Variants in RNGTT observed in about 807,000 individuals in gnomAD.
The protein encoded by RNGTT is RNA guanylyltransferase and 5'-phosphatase.
A neutral mutation model predicts 79.3 loss-of-function variants in RNGTT; 33 were observed. The ratio of observed to expected loss-of-function variants is 0.42; its 90% CI spans 0.32 to 0.56. The LOEUF (loss-of-function observed/expected upper bound fraction) is 0.56. Among genes scored for constraint, RNGTT ranks in the 20% least tolerant of loss-of-function variants. The pLI is 0.17. For synonymous variants in RNGTT, 222 were observed against 235.9 expected (o/e 0.94, Z 0.54); for missense variants, 497 against 739.1 (o/e 0.67, Z 3.80).
intron 13 of RNGTT, among the ~76,000 whole-genome samples, chr6:88,748,505 C>T (rs1329035291): frequency 6.6e-6 from 1 of 152,052 alleles, no homozygotes; most frequent in Non-Finnish European, 1.5e-5. Flanking sequence ...TAATTTGTCA[C>T]TCCTCCCCTT....
intron 8 of RNGTT, among the ~76,000 whole-genome samples, chr6:88,877,494 TG>T (rs1330666618): frequency 6.6e-6 from 1 of 152,200 alleles, no homozygotes; most frequent in Non-Finnish European, 1.5e-5. Context: ...TTTGAATCTC[TG>T]AATTTTTTTT....
At chr6:88,663,308 T>C (rs760481102) in intron 14 of RNGTT, among the ~76,000 whole-genome samples, 2 of 152,154 alleles carry the variant, frequency 1.3e-5, no homozygotes, top group Non-Finnish European at 2.9e-5. Context: ...TTATGTGAGA[T>C]AGACTATCCA....
chr6:88,879,311 T>G (rs980155962), intron 8 of RNGTT, among the ~76,000 whole-genome samples: 1 of 152,142 alleles, frequency 6.6e-6, no homozygotes, highest in African/African-American at 2.4e-5. Flanking sequence ...GGAGAATCAC[T>G]TGAACCCAGG....
rs143447080 is a variant in RNGTT at position 88,700,638 on chromosome 6, T to A, written c.1440-22219A>T. On this transcript the variant is annotated intron_variant, in intron 13 of 15. Transcript: ENST00000369485. ...TAGAAGTAATCCATCCTAAGAGAGA[T>A]GATTCATAAATGGGGATTTCTAGGA... is the stretch of plus-strand genomic sequence containing the variant. 1.6e-4 allele frequency among the ~76,000 whole-genome samples: 25 copies of A among 152,208 alleles called. 1 individual carries two copies. The East Asian group carries it at 4.4e-3, about 27-fold the overall frequency.
chr6:88,819,718 T>G (rs1456949886), intron 11 of RNGTT, among the ~76,000 whole-genome samples: 1 of 152,024 alleles, frequency 6.6e-6, no homozygotes, highest in Non-Finnish European at 1.5e-5. Context: ...TATTTTCAAC[T>G]CTACTGACAT....
intron 13 of RNGTT, among the ~76,000 whole-genome samples, chr6:88,704,989 A>T (rs558214082): frequency 1.3e-5 from 2 of 152,298 alleles, no homozygotes; most frequent in African/African-American, 4.8e-5. Context: ...TAAAAAAAAA[A>T]ACTGGTAAAT....
intron 12 of RNGTT, among the ~76,000 whole-genome samples, chr6:88,800,672 G>GT (rs1450214857): frequency 6.6e-6 from 1 of 152,188 alleles, no homozygotes; most frequent in Non-Finnish European, 1.5e-5. Flanking sequence ...CATCCCCAGA[G>GT]TTTCTACTCA....
intron 14 of RNGTT, among the ~76,000 whole-genome samples, chr6:88,663,570 C>T (rs796916107): frequency 7.2e-5 from 11 of 152,236 alleles, no homozygotes; most frequent in Non-Finnish European, 1.3e-4. Flanking sequence ...CGGTTCTGTC[C>T]GACCCCACAT....
chr6:88,789,157 C>T (rs1562253616), intron 12 of RNGTT, among the ~76,000 whole-genome samples: 1 of 152,188 alleles, frequency 6.6e-6, no homozygotes, highest in Non-Finnish European at 1.5e-5. Context: ...CGGTGACTTA[C>T]ACCTGTAATC....
intron 13 of RNGTT, among the ~76,000 whole-genome samples, chr6:88,712,899 C>T (rs897845427): frequency 2.0e-5 from 3 of 152,160 alleles, no homozygotes; most frequent in African/African-American, 7.2e-5. Flanking sequence ...TGAATTGCTA[C>T]ATCAGGATGC....
intron 12 of RNGTT, among the ~76,000 whole-genome samples, chr6:88,777,573 A>G (rs1778929771): frequency 6.6e-6 from 1 of 152,144 alleles, no homozygotes. Flanking sequence ...GCTATTGTAA[A>G]TGAGATTGTT....
At position 88,708,785 on chromosome 6, in the gene RNGTT, T is replaced by C. The variant is rs376339689; in HGVS notation, c.1440-30366A>G. On this transcript the variant is annotated intron_variant, in intron 13 of 15. Transcript: ENST00000369485. ...TTTTTTAATTTTCCCTGTTGTTGTATACGTTTTCCAGTAAGAAAAGGGGTT... is the reference window on the plus strand; with the variant it reads ...TTTTTTAATTTTCCCTGTTGTTGTACACGTTTTCCAGTAAGAAAAGGGGTT... Among the ~76,000 whole-genome samples the C allele has an allele frequency of 2.2e-4, 34 of 152,260 alleles. No homozygotes were observed. The South Asian group carries it at 6.2e-3, about 28-fold the overall frequency.
At chr6:88,807,459 C>A (rs1779995374) in intron 11 of RNGTT, among the ~76,000 whole-genome samples, 1 of 151,918 alleles carries the variant, frequency 6.6e-6, no homozygotes, top group South Asian at 2.1e-4. Flanking sequence ...AGACTGGACA[C>A]AGAAGAGAAA....
At chr6:88,716,181 GA>G (rs1776505135) in intron 13 of RNGTT, among the ~76,000 whole-genome samples, 1 of 152,050 alleles carries the variant, frequency 6.6e-6, no homozygotes, top group African/African-American at 2.4e-5. Flanking sequence ...TTTCTCAAAA[GA>G]AGACATTTAT....
chr6:88,657,908 G>A (rs1774038925), intron 14 of RNGTT, among the ~76,000 whole-genome samples: 1 of 152,134 alleles, frequency 6.6e-6, no homozygotes, highest in Non-Finnish European at 1.5e-5. Context: ...ATTAAGCCCT[G>A]CTCAAGGAGA....
In RNGTT at chr6:88,682,261, A is replaced by G. The variant is rs546109632; in HGVS notation, c.1440-3842T>C. Among the ~76,000 whole-genome samples the G allele has an allele frequency of 2.0e-3, 310 of 152,340 alleles. 2 individuals are homozygous for G. Among genetic ancestry groups the G allele is most frequent in the African/African-American group, 7.3e-3 (304 of 41,580 alleles). ...AAATTAACTGTTCTATCTACAAGCC[A>G]TAACTATAGTACCCGTTATCAGATA... On this transcript the variant is annotated intron_variant, in intron 13 of 15. Coordinates refer to ENST00000369485, the MANE Select transcript of RNGTT (RefSeq NM_003800.5).
intron 14 of RNGTT, among the ~76,000 whole-genome samples, chr6:88,615,398 T>C (rs1379186613): frequency 2.6e-5 from 4 of 152,200 alleles, no homozygotes; most frequent in African/African-American, 9.6e-5. Context: ...ATAAAAACTT[T>C]CAAACTATAT....
intron 8 of RNGTT, among the ~76,000 whole-genome samples, chr6:88,885,649 T>C (rs1782832400): frequency 6.6e-6 from 1 of 152,202 alleles, no homozygotes; most frequent in East Asian, 1.9e-4. Context: ...ATTTACATGA[T>C]CTCAGAGTAT....
intron 4 of RNGTT, among the ~76,000 whole-genome samples, chr6:88,914,198 G>A (rs1429685769): frequency 6.6e-6 from 1 of 152,086 alleles, no homozygotes; most frequent in African/African-American, 2.4e-5. Flanking sequence ...TCGTTAAAAT[G>A]TCCATATTGT....
Sources: allele counts gnomAD v4.1 joint callset (sites outside exome capture counted in the v4.1 genomes callset), GRCh38; gene constraint gnomAD v4.1.1; transcripts MANE v1.5; gene names NCBI Gene and HGNC (gene_info 2026-07-23, HGNC 2026-07-21).